The following IL1RAPL1 variants were observed in gnomAD, a reference collection of about 807,000 sequenced individuals.
The protein encoded by IL1RAPL1 is interleukin 1 receptor accessory protein like 1.
Under a neutral mutation model 48.4 loss-of-function variants are expected in IL1RAPL1, and 3 were observed. The ratio of observed to expected loss-of-function variants is 0.06; its 90% CI spans 0.03 to 0.16. The LOEUF is 0.16. Among genes scored for constraint, IL1RAPL1 ranks in the 10% least tolerant of loss-of-function variants. The pLI, the probability that IL1RAPL1 is intolerant of heterozygous loss-of-function variation, is 1.00. For missense variants in IL1RAPL1, 349 were observed against 530.6 expected, an observed-to-expected ratio of 0.66 and a Z score of 3.36; for synonymous variants, 185 against 187.7, an observed-to-expected ratio of 0.99 and a Z score of 0.12.
rs1171060481 is a variant in IL1RAPL1, at chrX:29,403,692, A to G, written c.703+4384A>G. On this transcript the variant is annotated intron_variant, in intron 5 of 10. Coordinates refer to ENST00000378993, the MANE Select transcript of IL1RAPL1 (RefSeq NM_014271.4). ...ACATGAGTTCATACTGATGTTTCCA[A>G]CTCTAATTTATTACCATATGGATCA... Among the ~76,000 whole-genome samples, 13 of 111,611 alleles carry G rather than the reference A, an allele frequency of 1.2e-4. No individual in the cohort carries two copies. The Admixed American group carries it at 1.2e-3, about 11-fold the overall frequency.
chrX:29,941,656 A>G lies in IL1RAPL1; in HGVS notation c.1063A>G (p.Met355Val). The stretch of plus-strand genomic sequence containing the variant: ...TTGTGGTTTTTTCTTTCTAGAGCTA[A>G]TGTACACAGTGGAACTTGCTGGAGG... ...ASVLLHKRELMYTVELAGGLG... is the reference protein window; with the variant it reads ...ASVLLHKRELVYTVELAGGLG... The change falls in exon 9 of 11, where the codon ATG becomes GTG. Residue 355 changes from methionine to valine, a missense_variant. Coordinates refer to ENST00000378993, the MANE Select transcript of IL1RAPL1 (RefSeq NM_014271.4). 1 of 1,210,386 alleles carries G rather than the reference A, an allele frequency of 8.3e-7. No homozygotes were observed. Among genetic ancestry groups the G allele is most frequent in the Non-Finnish European group, 1.1e-6 (1 of 894,224 alleles).
At chrX:28,667,846 T>C (rs1339021516) in intron 1 of IL1RAPL1, among the ~76,000 whole-genome samples, 1 of 111,362 alleles carries the variant, frequency 9.0e-6, no homozygotes, top group African/African-American at 3.3e-5. Context: ...TTCTCTGGGG[T>C]CTCTTTTGTA....
At chrX:28,809,656 A>C (rs1038844474) in intron 2 of IL1RAPL1, among the ~76,000 whole-genome samples, 9 of 110,783 alleles carry the variant, frequency 8.1e-5, no homozygotes, top group African/African-American at 2.9e-4. Flanking sequence ...GTAAAATGGA[A>C]GGAAATGTTG....
chrX:28,886,467 T>A (rs1332788131), intron 2 of IL1RAPL1, among the ~76,000 whole-genome samples: 1 of 108,977 alleles, frequency 9.2e-6, no homozygotes, highest in Non-Finnish European at 1.9e-5. Context: ...ATGGAGAAAA[T>A]CTCTCTGAAG....
chrX:29,584,095 C>A (rs2147805491), intron 5 of IL1RAPL1, among the ~76,000 whole-genome samples: 1 of 111,291 alleles, frequency 9.0e-6, no homozygotes, highest in Admixed American at 9.6e-5. Flanking sequence ...AGCCTACAGC[C>A]CTGATCCCTG....
At chrX:29,811,071 C>G (rs1930371067) in intron 6 of IL1RAPL1, among the ~76,000 whole-genome samples, 1 of 110,618 alleles carries the variant, frequency 9.0e-6, no homozygotes, top group Non-Finnish European at 1.9e-5. Context: ...TTTCTCCTTT[C>G]TCTCTTTCTT....
chrX:29,818,106 A>G (rs1930534667), intron 6 of IL1RAPL1, among the ~76,000 whole-genome samples: 1 of 111,942 alleles, frequency 8.9e-6, no homozygotes, highest in Non-Finnish European at 1.9e-5. Flanking sequence ...ACTGGGACAT[A>G]TGGATATCTG....
At chrX:28,743,286 C>G (rs936602400) in intron 1 of IL1RAPL1, among the ~76,000 whole-genome samples, 1 of 111,577 alleles carries the variant, frequency 9.0e-6, no homozygotes, top group Non-Finnish European at 1.9e-5. Context: ...ATTTTTAAAT[C>G]TTACAATCAT....
rs183590731 is a variant in IL1RAPL1, at chrX:29,029,505, A to G, written c.82+240080A>G. ...TACACCCAGGTGCTATAATCTCTCA[A>G]CTGATTTCTTTAGCTCTTGTGAAGG... On this transcript the variant is annotated intron_variant, in intron 2 of 10. Transcript: ENST00000378993. Among the ~76,000 whole-genome samples the G allele has an allele frequency of 8.1e-5, 9 of 111,234 alleles. No individual in the cohort carries two copies. In the South Asian group the frequency reaches 3.0e-3, roughly 37 times the overall value.
chrX:28,637,814 A>G (rs1934483599), intron 1 of IL1RAPL1, among the ~76,000 whole-genome samples: 1 of 112,361 alleles, frequency 8.9e-6, no homozygotes, highest in Non-Finnish European at 1.9e-5. Context: ...TAGACAAACC[A>G]CTAGCTTGTG....
In IL1RAPL1 at chrX:29,867,605, C is replaced by G. The variant is rs188475125; in HGVS notation, c.779-49859C>G. On this transcript the variant is annotated intron_variant, in intron 6 of 10. Transcript: ENST00000378993. The stretch of plus-strand genomic sequence containing the variant: ...AATAAATTCTCGTTTATAAATTTCC[C>G]AGCCCCTATAGCAACACAGACTAAG... Among the ~76,000 whole-genome samples the G allele has an allele frequency of 3.3e-4, 37 of 112,091 alleles. 1 individual carries two copies. Among genetic ancestry groups the G allele is most frequent in the African/African-American group, 9.7e-4 (30 of 30,863 alleles).
intron 7 of IL1RAPL1, among the ~76,000 whole-genome samples, chrX:29,918,638 A>G: frequency 9.0e-6 from 1 of 111,238 alleles, no homozygotes; most frequent in African/African-American, 3.3e-5. Context: ...TAAGCTTTTG[A>G]TGGTAGTGAT....
At chrX:29,293,750 C>T (rs1273104393) in intron 3 of IL1RAPL1, among the ~76,000 whole-genome samples, 2 of 111,385 alleles carry the variant, frequency 1.8e-5, no homozygotes, top group Non-Finnish European at 3.8e-5. Flanking sequence ...AAATCACTTA[C>T]AACCCAACAG....
intron 5 of IL1RAPL1, among the ~76,000 whole-genome samples, chrX:29,639,816 C>A (rs1925110130): frequency 9.0e-6 from 1 of 111,647 alleles, no homozygotes; most frequent in African/African-American, 3.3e-5. Context: ...AAATCAAATA[C>A]CTTATACCCA....
chrX:29,006,720 A>T (rs983101504), intron 2 of IL1RAPL1, among the ~76,000 whole-genome samples: 6 of 102,521 alleles, frequency 5.9e-5, no homozygotes, highest in African/African-American at 1.8e-4. Flanking sequence ...AAATTTCCCA[A>T]CTCAAGTATG....
intron 2 of IL1RAPL1, among the ~76,000 whole-genome samples, chrX:28,905,213 G>A (rs960218560): frequency 9.1e-6 from 1 of 110,472 alleles, no homozygotes; most frequent in Non-Finnish European, 1.9e-5. Flanking sequence ...TAATTTTATA[G>A]TATTGTATAT....
intron 6 of IL1RAPL1, among the ~76,000 whole-genome samples, chrX:29,876,033 G>A (rs1352153549): frequency 9.0e-6 from 1 of 111,388 alleles, no homozygotes; most frequent in Non-Finnish European, 1.9e-5. Context: ...CACCAAGATA[G>A]TAGACAGATA....
chrX:28,984,535 C>A (rs1925419363), intron 2 of IL1RAPL1, among the ~76,000 whole-genome samples: 1 of 112,192 alleles, frequency 8.9e-6, no homozygotes, highest in African/African-American at 3.2e-5. Flanking sequence ...ACACATCTTT[C>A]TCCTTGAAAA....
At position 28,863,902 on chromosome X, in the gene IL1RAPL1, A is replaced by ATTGGT. The variant is rs1195932114; in HGVS notation, c.82+74480_82+74484dup. Among the ~76,000 whole-genome samples the ATTGGT allele has an allele frequency of 3.6e-5, 4 of 111,755 alleles. No homozygotes were observed. In the East Asian group the frequency reaches 1.1e-3, roughly 31 times the overall value. On this transcript the variant is annotated intron_variant, in intron 2 of 10. Transcript: ENST00000378993. ...AACTTGGCTCATTAAACTGATATACATTGGTTTACTGTTTATACTCCTGCC... is the reference window on the plus strand; with the variant it reads ...AACTTGGCTCATTAAACTGATATACATTGGTTTGGTTTACTGTTTATACTCCTGCC...
Sources: gnomAD v4.1 joint callset for allele counts (sites outside exome capture counted in the v4.1 genomes callset) on GRCh38, gnomAD v4.1.1 for gene constraint, MANE v1.5 for transcripts, NCBI Gene and HGNC (gene_info 2026-07-23, HGNC 2026-07-21) for gene names.